Variants in TRPM6 observed in about 807,000 individuals in gnomAD.
The protein encoded by TRPM6 is channel kinase 2.
Under a neutral mutation model 247.6 loss-of-function variants are expected in TRPM6, and 111 were observed. The ratio of observed to expected loss-of-function variants is 0.45; its 90% CI spans 0.38 to 0.52. The LOEUF (loss-of-function observed/expected upper bound fraction) is 0.52. Among genes scored for constraint, TRPM6 ranks in the 20% least tolerant of loss-of-function variants. The pLI is 0.00. For missense variants in TRPM6, 2,126 were observed against 2,421.5 expected, an observed-to-expected ratio of 0.88 and a Z score of 2.56; for synonymous variants, 892 against 853.8, an observed-to-expected ratio of 1.04 and a Z score of -0.78.
In TRPM6 at chr9:74,752,319, T is replaced by C. The variant is rs747190934; in HGVS notation, c.4956A>G (p.Gln1652=). 249 of 1,602,396 alleles carry C rather than the reference T, an allele frequency of 1.6e-4. No homozygotes were observed. The highest frequency in any genetic ancestry group is 2.1e-4 in the Non-Finnish European group (244 of 1,172,178). ...GGTAATCACTGATTTGTATAGCACA[T>C]TGTCCAATTTCTTTAGTTTTCATTT... ...HQKMKTKEIG[Q]CAIQISDYLK... is the part of the protein sequence containing the mutation. Residue 1652 remains glutamine, a synonymous_variant, in exon 29 of 39, where the codon CAA becomes CAG. Transcript: ENST00000360774.
Position 74,739,314 on chromosome 9 carries a change from G to A in TRPM6, c.5570+53C>T, listed in dbSNP as rs4468002. On this transcript the variant is annotated intron_variant, in intron 35 of 38. Coordinates refer to ENST00000360774, the MANE Select transcript of TRPM6 (RefSeq NM_017662.5). The stretch of plus-strand genomic sequence containing the variant: ...CTCATGAGTAATGGGCTGAGAAGAC[G>A]TGATAGAAATTCCTACTTGAAACAA... 0.013 allele frequency: 19,641 copies of A among 1,464,314 alleles called. 1,010 individuals are homozygous for A. The East Asian group carries it at 0.14, about 11-fold the overall frequency. 90.7% of individuals were successfully genotyped at this position (1,464,314 alleles called of 1,614,324 possible).
intron 15 of TRPM6, among the ~76,000 whole-genome samples, chr9:74,802,399 T>G (rs530692524): frequency 6.6e-5 from 10 of 152,196 alleles, no homozygotes; most frequent in Non-Finnish European, 1.2e-4. Context: ...TGATATATCT[T>G]AAGGTCATTT....
intron 1 of TRPM6, among the ~76,000 whole-genome samples, chr9:74,884,528 C>T (rs934326945): frequency 3.9e-5 from 6 of 151,926 alleles, no homozygotes; most frequent in Non-Finnish European, 5.9e-5. Context: ...TACATACATA[C>T]ATACATACAT....
At chr9:74,809,568 T>C (rs117860271) in intron 13 of TRPM6, among the ~76,000 whole-genome samples, 3,509 of 152,326 alleles carry the variant, frequency 0.023, 68 homozygotes, top group Non-Finnish European at 0.037. Flanking sequence ...AGTTCATCAC[T>C]TTTTTTCAGT....
At chr9:74,878,258 C>A (rs1225606407) in intron 1 of TRPM6, among the ~76,000 whole-genome samples, 9 of 152,150 alleles carry the variant, frequency 5.9e-5, no homozygotes, top group Non-Finnish European at 1.3e-4. Context: ...GACACACCTG[C>A]CTGCCCTTCC....
In TRPM6 at chr9:74,842,162, A is replaced by G. The variant is rs368051065; in HGVS notation, c.330+4T>C. The G allele has an allele frequency of 6.2e-7, 1 of 1,613,840 alleles. No individual in the cohort carries two copies. The highest frequency in any genetic ancestry group is 1.3e-5 in the African/African-American group (1 of 74,878). ...CAGCAAAACAATTTGGGTTATTAGC[A>G]AACCTTGGCATGATGGGTGTGCTCT... On this transcript the variant is annotated splice_donor_region_variant and intron_variant, in intron 4 of 38. Transcript: ENST00000360774.
chr9:74,867,919 C>T lies in TRPM6; in HGVS notation c.34-9171G>A, dbSNP rs1042921444. Among the ~76,000 whole-genome samples, 5 of 151,884 alleles carry T rather than the reference C, an allele frequency of 3.3e-5. No individual in the cohort carries two copies. In the South Asian group the frequency reaches 1.0e-3, roughly 32 times the overall value. On this transcript the variant is annotated intron_variant, in intron 1 of 38. Coordinates refer to ENST00000360774, the MANE Select transcript of TRPM6 (RefSeq NM_017662.5). ...CTGTAATCCCAGCACTTTGGGAGGC[C>T]GATGCACAGGGTCACGTGAGGTCAG...
chr9:74,836,329 T>C (rs1829720665), intron 5 of TRPM6, among the ~76,000 whole-genome samples: 1 of 152,210 alleles, frequency 6.6e-6, no homozygotes, highest in Admixed American at 6.5e-5. Flanking sequence ...CTTATATGTG[T>C]CATTAGCACA....
At chr9:74,821,641 T>A in intron 8 of TRPM6, 28 bp downstream of exon 8, 1 of 1,613,892 alleles carries the variant, frequency 6.2e-7, no homozygotes, top group Non-Finnish European at 8.5e-7. Context: ...GCCCCTATAG[T>A]TTCAAAAAAG....
Position 74,792,732 on chromosome 9 carries a change from C to A in TRPM6, c.2430G>T (p.Leu810=), listed in dbSNP as rs1242606122. The A allele has an allele frequency of 6.2e-7, 1 of 1,613,914 alleles. No homozygotes were observed. Among genetic ancestry groups the A allele is most frequent in the Non-Finnish European group, 8.5e-7 (1 of 1,179,808 alleles). ...CCAAACCAAAATGCTGATTTTCATC[C>A]AGTTTCTCATCATGGCCCCTTTCCA... ...YDLERGHDEK[L]DENQHFGLES... is the part of the protein sequence containing the mutation. Residue 810 remains leucine (L), a synonymous_variant, in exon 19 of 39, where the codon CTG becomes CTT. Transcript: ENST00000360774.
In TRPM6 at chr9:74,853,926, AAGAT is replaced by A. The variant is rs564497889; in HGVS notation, c.152+1597_152+1600del. ...TTTGAAAAGTAAAAACAATTTTTAA[AAGAT>A]AAATAAAGTATAGGAAACTTACCCT... is the stretch of plus-strand genomic sequence containing the variant. On this transcript the variant is annotated intron_variant, in intron 3 of 38. Transcript: ENST00000360774. Among the ~76,000 whole-genome samples, 58 of 152,366 alleles carry A rather than the reference AAGAT, an allele frequency of 3.8e-4. No individual in the cohort carries two copies. In the South Asian group the frequency reaches 0.012, roughly 30 times the overall value.
intron 1 of TRPM6, among the ~76,000 whole-genome samples, chr9:74,860,419 C>A (rs1016881256): frequency 6.6e-6 from 1 of 152,002 alleles, no homozygotes; most frequent in Admixed American, 6.5e-5. Flanking sequence ...TGCAATCTGG[C>A]GCAATCTCGG....
At chr9:74,828,902 T>G (rs1280426849) in intron 6 of TRPM6, among the ~76,000 whole-genome samples, 9 of 152,188 alleles carry the variant, frequency 5.9e-5, no homozygotes, top group Non-Finnish European at 1.0e-4. Context: ...CTGGCACCAG[T>G]ACATAGACCA....
chr9:74,865,651 C>A (rs1180526038), intron 1 of TRPM6, among the ~76,000 whole-genome samples: 1 of 152,186 alleles, frequency 6.6e-6, no homozygotes, highest in African/African-American at 2.4e-5. Context: ...AGATGGTCTT[C>A]ATTTATGCTC....
At chr9:74,864,484 T>G (rs569951823) in intron 1 of TRPM6, among the ~76,000 whole-genome samples, 1 of 152,262 alleles carries the variant, frequency 6.6e-6, no homozygotes, top group South Asian at 2.1e-4. Flanking sequence ...AGGCTAAAAA[T>G]ATCTAAAAAC....
At chr9:74,867,145 C>T (rs1830870591) in intron 1 of TRPM6, among the ~76,000 whole-genome samples, 1 of 152,182 alleles carries the variant, frequency 6.6e-6, no homozygotes, top group South Asian at 2.1e-4. Context: ...AAATCTGCCT[C>T]ACAGAGACAT....
chr9:74,811,305 A>G (rs1012710), intron 12 of TRPM6, among the ~76,000 whole-genome samples: 40,800 of 152,142 alleles, frequency 0.27, 6,852 homozygotes, highest in East Asian at 0.67. Context: ...ACACTAAAAA[A>G]TAACCAACAA....
chr9:74,851,780 CAT>C (rs200109350), intron 3 of TRPM6, among the ~76,000 whole-genome samples: 159 of 144,630 alleles, frequency 1.1e-3, no homozygotes, highest in African/African-American at 3.9e-3. Context: ...ATATATAATA[CAT>C]ATATATATAA....
At chr9:74,817,511 T>C (rs1404007977) in intron 9 of TRPM6, among the ~76,000 whole-genome samples, 5 of 152,094 alleles carry the variant, frequency 3.3e-5, no homozygotes, top group Non-Finnish European at 7.4e-5. Flanking sequence ...TTACGAGAAA[T>C]GAATCCTCAA....
Sources: gnomAD v4.1 joint callset for allele counts (sites outside exome capture counted in the v4.1 genomes callset) on GRCh38, gnomAD v4.1.1 for gene constraint, MANE v1.5 for transcripts, NCBI Gene and HGNC (gene_info 2026-07-23, HGNC 2026-07-21) for gene names.